CNOT1: variants seen among roughly 807,000 people sequenced by gnomAD.
CNOT1 encodes CCR4-associated factor 1.
CNOT1 carries 15 observed loss-of-function variants against 273.8 expected under a neutral mutation model. That is an observed-to-expected ratio of 0.05 (90% CI 0.04 to 0.08). CNOT1 has a LOEUF of 0.08. CNOT1 is among the 10% of genes least tolerant of loss of function. The pLI, the probability that CNOT1 is intolerant of heterozygous loss-of-function variation, is 1.00. For synonymous variants in CNOT1, 1,022 were observed against 1,005.5 expected (o/e 1.02, Z -0.31); for missense variants, 1,644 against 2,912.2 (o/e 0.56, Z 10.02).
At chr16:58,560,799 G>A (rs2040811263) in intron 16 of CNOT1, among the ~76,000 whole-genome samples, 1 of 152,074 alleles carries the variant, frequency 6.6e-6, no homozygotes. Context: ...CCAAGGCGGG[G>A]GTATTGCCTG....
chr16:58,549,406 C>T (rs917448476), intron 25 of CNOT1, among the ~76,000 whole-genome samples: 9 of 151,106 alleles, frequency 6.0e-5, no homozygotes, highest in East Asian at 3.9e-4. Flanking sequence ...GTACAGAGGG[C>T]GACACCATAC....
intron 2 of CNOT1, among the ~76,000 whole-genome samples, chr16:58,590,518 C>A (rs555839433): frequency 6.6e-6 from 1 of 152,108 alleles, no homozygotes; most frequent in Non-Finnish European, 1.5e-5. Context: ...TCGCTTGAAC[C>A]CAGGAGGCGG....
At chr16:58,551,539 T>A (rs781097967) in intron 23 of CNOT1, 50 bp downstream of exon 23, 1 of 1,570,210 alleles carries the variant, frequency 6.4e-7, no homozygotes, top group Non-Finnish European at 8.8e-7. Flanking sequence ...CCACTGATTA[T>A]TACAATATAA....
chr16:58,539,733 T>C, intron 35 of CNOT1, 35 bp downstream of exon 35: 1 of 1,574,950 alleles, frequency 6.3e-7, no homozygotes, highest in South Asian at 1.2e-5. Context: ...TTTACACACC[T>C]AGCATTTTCT....
rs1238777644 is a variant in CNOT1, at chr16:58,522,245, A to AAAAC, written c.6918-929_6918-928insGTTT. 7.7e-3 allele frequency among the ~76,000 whole-genome samples: 201 copies of AAAAC among 26,248 alleles called. 2 individuals are homozygous for AAAAC. The highest frequency in any genetic ancestry group is 0.043 in the African/African-American group (193 of 4,460). The allele number at this position is 26,248 out of a possible 152,430, so 17.2% of individuals were successfully genotyped here. On this transcript the variant is annotated intron_variant, in intron 47 of 48. Transcript: ENST00000317147. ...ACAAAGCGAGACTGTCTCAAAAAAAAAAAAAAAAAAAAAAAAAAAAAAGCT... is the reference window on the plus strand; with the variant it reads ...ACAAAGCGAGACTGTCTCAAAAAAAAAAACAAAAAAAAAAAAAAAAAAAAAAGCT...
chr16:58,628,048 G>C (rs899870382), intron 1 of CNOT1, among the ~76,000 whole-genome samples: 1 of 152,070 alleles, frequency 6.6e-6, no homozygotes, highest in African/African-American at 2.4e-5. Context: ...GGCTGGTCTC[G>C]AACTCCTGAC....
In CNOT1 at chr16:58,587,202, G is replaced by T. The variant is rs148257324; in HGVS notation, c.432C>A (p.Phe144Leu). Residue 144 changes from phenylalanine to leucine, a missense_variant and splice_region_variant, in exon 6 of 49, where the codon TTC becomes TTA. By Grantham distance (22) the Phe-to-Leu change is conservative (BLOSUM62 0). Around this residue, in one of 13 missense-constraint regions of CNOT1, gnomAD observed 706 missense variants for 1,021.2 expected, o/e 0.69. Transcript: ENST00000317147. ...LNSSSSDLRG[F>L]AAQFIKQKLP... is the part of the protein sequence containing the mutation. ...ATATTTTTGGAAAAAGTAACTCACC[G>T]AAACCTCTAAGATCTGAGCTGGAAG... The T allele has an allele frequency of 1.9e-6, 3 of 1,611,690 alleles. No homozygotes were observed. Among genetic ancestry groups the T allele is most frequent in the African/African-American group, 2.7e-5 (2 of 74,854 alleles).
chr16:58,526,218 G>T, intron 44 of CNOT1, 80 bp from the exon 45 acceptor site: 1 of 1,501,154 alleles, frequency 6.7e-7, no homozygotes, highest in Non-Finnish European at 9.2e-7. Flanking sequence ...TGGTGGGACT[G>T]TTTTTCTAAA....
intron 1 of CNOT1, among the ~76,000 whole-genome samples, chr16:58,619,429 T>C (rs1301456141): frequency 6.6e-6 from 1 of 151,502 alleles, no homozygotes; most frequent in Non-Finnish European, 1.5e-5. Flanking sequence ...TTGCATTTTC[T>C]TTCTTTTTTT....
chr16:58,576,898 A>C (rs2041472995), intron 13 of CNOT1, among the ~76,000 whole-genome samples: 1 of 152,246 alleles, frequency 6.6e-6, no homozygotes, highest in East Asian at 1.9e-4. Context: ...ACATGAGGTT[A>C]CATCAAGTTT....
rs905699279 is a variant in CNOT1, at chr16:58,546,840, G to A, written c.3751-91C>T. 1.3e-5 allele frequency: 19 copies of A among 1,495,708 alleles called. No individual in the cohort carries two copies. The Admixed American group carries it at 2.6e-4, about 21-fold the overall frequency. 92.7% of individuals were successfully genotyped at this position (1,495,708 alleles called of 1,614,324 possible). A position where few individuals can be genotyped will look rare whatever the true frequency, so the allele number is the denominator to read the frequency against. On this transcript the variant is annotated intron_variant, in intron 27 of 48. Transcript: ENST00000317147. ...ATTCAATACAACATAAGGGGGTAGGGGGGAGTCAAACAAATAAAAAACAAA... is the reference window on the plus strand; with the variant it reads ...ATTCAATACAACATAAGGGGGTAGGAGGGAGTCAAACAAATAAAAAACAAA...
chr16:58,593,433 C>T (rs1026073866), intron 2 of CNOT1, among the ~76,000 whole-genome samples: 1 of 152,096 alleles, frequency 6.6e-6, no homozygotes, highest in African/African-American at 2.4e-5. Context: ...GTGGCACATG[C>T]CTGTAATCCC....
chr16:58,530,183 T>C, intron 43 of CNOT1, 63 bp downstream of exon 43: 1 of 1,338,338 alleles, frequency 7.5e-7, no homozygotes, highest in East Asian at 2.4e-5. Context: ...GGCCTCAGAT[T>C]CCTAAAGTGT....
chr16:58,550,047 A>T, intron 24 of CNOT1, 149 bp from the exon 25 acceptor site: 1 of 1,262,388 alleles, frequency 7.9e-7, no homozygotes, highest in South Asian at 1.5e-5. Flanking sequence ...GATAGATGCT[A>T]TGAAGAAAAG....
At chr16:58,522,325 T>C (rs74702446) in intron 47 of CNOT1, among the ~76,000 whole-genome samples, 2,257 of 151,154 alleles carry the variant, frequency 0.015, 43 homozygotes, top group African/African-American at 0.052. Context: ...CCAGTAAGCA[T>C]TGGCTTAACT....
intron 19 of CNOT1, among the ~76,000 whole-genome samples, 168 bp from the exon 20 acceptor site, chr16:58,556,076 C>T (rs952844377): frequency 8.5e-5 from 13 of 152,136 alleles, no homozygotes; most frequent in Non-Finnish European, 1.0e-4. Flanking sequence ...CTAGGGTAGA[C>T]GTAAAAGATC....
chr16:58,559,673 G>C, intron 17 of CNOT1: 1 of 363,510 alleles, frequency 2.8e-6, no homozygotes, highest in South Asian at 2.2e-5. Context: ...AGTAGCCACT[G>C]AATCACTAAC....
At chr16:58,540,976 T>C (rs1170103943) in intron 34 of CNOT1, among the ~76,000 whole-genome samples, 1 of 152,188 alleles carries the variant, frequency 6.6e-6, no homozygotes, top group Non-Finnish European at 1.5e-5. Flanking sequence ...GAGGCCAAGG[T>C]AGGCGATCAC....
rs752855957 is a variant in CNOT1, at chr16:58,582,944, C to G, written c.934-41G>C. The G allele has an allele frequency of 1.9e-6, 3 of 1,613,290 alleles. No individual in the cohort carries two copies. The Admixed American group carries it at 5.0e-5, about 27-fold the overall frequency. On this transcript the variant is annotated intron_variant, in intron 9 of 48. Transcript: ENST00000317147. ...TTGAATTAAACAAACCCAACTACTC[C>G]ATGTGTTCACTTCTGGTCGATAGAA...
Sources: allele counts gnomAD v4.1 joint callset (sites outside exome capture counted in the v4.1 genomes callset), GRCh38; gene constraint gnomAD v4.1.1; regional missense constraint gnomAD v4.1.1; transcripts MANE v1.5; gene names NCBI Gene and HGNC (gene_info 2026-07-23, HGNC 2026-07-21).